PPP2R2B: variants seen among roughly 807,000 people sequenced by gnomAD.
The protein encoded by PPP2R2B is serine/threonine-protein phosphatase 2A 55 kDa regulatory subunit B beta isoform.
In PPP2R2B, 5 loss-of-function variants were observed where a neutral mutation model predicts 46.0. The observed-to-expected ratio is 0.11, with a 90% confidence interval of 0.06 to 0.23. The LOEUF is 0.23. PPP2R2B is among the 10% of genes least tolerant of loss of function. The probability of loss-of-function intolerance (pLI) is 1.00; values close to 1 mark genes in which losing one functional copy is unlikely to be tolerated. For synonymous variants in PPP2R2B, 215 were observed against 206.7 expected, an observed-to-expected ratio of 1.04 and a Z score of -0.34; for missense variants, 367 against 575.0, an observed-to-expected ratio of 0.64 and a Z score of 3.70.
At chr5:146,981,095 C>G (rs138391005) in intron 1 of PPP2R2B, among the ~76,000 whole-genome samples, 4 of 152,196 alleles carry the variant, frequency 2.6e-5, no homozygotes, top group African/African-American at 9.6e-5. Context: ...ATGTCTCCCA[C>G]TAGAATTTTA....
At chr5:146,592,353 T>C (rs930248636) in intron 9 of PPP2R2B, among the ~76,000 whole-genome samples, 6 of 152,256 alleles carry the variant, frequency 3.9e-5, no homozygotes, top group African/African-American at 1.4e-4. Flanking sequence ...TGGTGCCACC[T>C]TCATCAAGGA....
chr5:146,629,771 T>G (rs990261168), intron 7 of PPP2R2B, among the ~76,000 whole-genome samples: 10 of 143,502 alleles, frequency 7.0e-5, no homozygotes, highest in Non-Finnish European at 4.6e-5. Flanking sequence ...CTTCCTTTTC[T>G]TTCCTTTCCC....
intron 2 of PPP2R2B, chr5:146,706,317 C>A: frequency 1.8e-6 from 1 of 554,116 alleles, no homozygotes; most frequent in South Asian, 1.6e-5. Flanking sequence ...GAACCTGCGC[C>A]AGAGCGAGAG....
At chr5:147,074,214 AG>A (rs1371185116) in intron 2 of PPP2R2B, among the ~76,000 whole-genome samples, 1 of 152,152 alleles carries the variant, frequency 6.6e-6, no homozygotes, top group Non-Finnish European at 1.5e-5. Flanking sequence ...ATCCTGCCTA[AG>A]GTCACTAAGT....
At chr5:146,645,497 CA>C (rs1775523435) in intron 6 of PPP2R2B, among the ~76,000 whole-genome samples, 1 of 152,148 alleles carries the variant, frequency 6.6e-6, no homozygotes, top group African/African-American at 2.4e-5. Context: ...GAAGCAGCAA[CA>C]GGGGAGAAAC....
intron 2 of PPP2R2B, among the ~76,000 whole-genome samples, chr5:146,869,180 T>C (rs1365684422): frequency 6.6e-6 from 1 of 152,218 alleles, no homozygotes; most frequent in Admixed American, 6.5e-5. Context: ...TTCAGGTTCT[T>C]GGTTTAAATG....
chr5:146,676,870 A>G (rs1777758723), intron 5 of PPP2R2B, among the ~76,000 whole-genome samples: 1 of 152,154 alleles, frequency 6.6e-6, no homozygotes, highest in Non-Finnish European at 1.5e-5. Flanking sequence ...TATGTTCTTA[A>G]TTGGTTTGAC....
chr5:146,711,048 C>A (rs928992792), intron 2 of PPP2R2B, among the ~76,000 whole-genome samples: 1 of 152,208 alleles, frequency 6.6e-6, no homozygotes, highest in Non-Finnish European at 1.5e-5. Flanking sequence ...TATGCAGCCT[C>A]ATTGCTCCCC....
At chr5:146,845,473 T>G (rs1759942514) in intron 2 of PPP2R2B, among the ~76,000 whole-genome samples, 1 of 152,050 alleles carries the variant, frequency 6.6e-6, no homozygotes, top group Non-Finnish European at 1.5e-5. Context: ...CAGGATGGTC[T>G]TGATCTCCTG....
intron 2 of PPP2R2B, among the ~76,000 whole-genome samples, chr5:146,738,422 A>T (rs1001147304): frequency 5.0e-4 from 75 of 150,100 alleles, no homozygotes; most frequent in African/African-American, 1.7e-3. Context: ...AAAAAATCTT[A>T]GCTTCACAGA....
chr5:146,890,540 G>T (rs1300374385), intron 1 of PPP2R2B, among the ~76,000 whole-genome samples: 1 of 152,142 alleles, frequency 6.6e-6, no homozygotes, highest in African/African-American at 2.4e-5. Context: ...TGCAAAAAAG[G>T]TTGTCAATCT....
At chr5:146,975,226 T>C (rs1752846252) in intron 1 of PPP2R2B, among the ~76,000 whole-genome samples, 1 of 152,202 alleles carries the variant, frequency 6.6e-6, no homozygotes, top group Non-Finnish European at 1.5e-5. Context: ...GTGTGACTAC[T>C]CTTTATACCT....
chr5:146,806,305 A>G (rs992766090), intron 2 of PPP2R2B, among the ~76,000 whole-genome samples: 1 of 152,190 alleles, frequency 6.6e-6, no homozygotes, highest in African/African-American at 2.4e-5. Flanking sequence ...AAGGAAATGT[A>G]TTCTTCTCCC....
At chr5:146,716,105 C>T (rs1780482661) in intron 2 of PPP2R2B, among the ~76,000 whole-genome samples, 1 of 151,078 alleles carries the variant, frequency 6.6e-6, no homozygotes, top group Admixed American at 6.6e-5. Flanking sequence ...TTATTATAAT[C>T]TGAGGACCTA....
intron 8 of PPP2R2B, among the ~76,000 whole-genome samples, chr5:146,596,714 G>A (rs751322504): frequency 1.2e-4 from 18 of 152,204 alleles, no homozygotes; most frequent in Non-Finnish European, 1.8e-4. Context: ...ATGAAGGGCT[G>A]CAAATGAAAG....
rs1369827759 is a variant in PPP2R2B at position 146,878,116 on chromosome 5, G to T, written c.-45C>A. 1.2e-6 allele frequency: 2 copies of T among 1,613,806 alleles called. No homozygotes were observed. Among genetic ancestry groups the T allele is most frequent in the Middle Eastern group, 1.7e-4 (1 of 6,060 alleles). On this transcript the variant is annotated 5_prime_UTR_variant, in exon 2 of 10. Transcript: ENST00000394411. The surrounding 1 kb of genome is among the most constrained non-coding windows in gnomAD (Gnocchi z 4.5). ...GTGGGAACCAGAAGCCGGCAGACAA[G>T]TATCCATGATCCCTCCCCGCAGCCA...
chr5:146,763,799 T>C (rs1181253421), intron 2 of PPP2R2B, among the ~76,000 whole-genome samples: 1 of 152,192 alleles, frequency 6.6e-6, no homozygotes, highest in Non-Finnish European at 1.5e-5. Flanking sequence ...CATGGCTCAC[T>C]GCAACTTTGA....
chr5:146,682,056 A>G (rs1188265360), intron 5 of PPP2R2B, among the ~76,000 whole-genome samples: 1 of 152,216 alleles, frequency 6.6e-6, no homozygotes, highest in Non-Finnish European at 1.5e-5. Flanking sequence ...GTTTGGGAGC[A>G]AAAGACAAAG....
At chr5:147,057,797 T>G (rs1416526129), upstream of PPP2R2B, among the ~76,000 whole-genome samples, 2 of 152,176 alleles carry the variant, frequency 1.3e-5, no homozygotes, top group Admixed American at 6.5e-5. Flanking sequence ...AATCCTGCCT[T>G]TGACATTGAC....
Sources: gnomAD v4.1 joint callset for allele counts (sites outside exome capture counted in the v4.1 genomes callset) on GRCh38, gnomAD v4.1.1 for gene constraint, Gnocchi (gnomAD v3.1) non-coding constraint, MANE v1.5 for transcripts, NCBI Gene and HGNC (gene_info 2026-07-23, HGNC 2026-07-21) for gene names.